Variants in SUZ12 observed in about 807,000 individuals in gnomAD.
SUZ12 encodes the protein SUZ12 polycomb repressive complex 2 subunit, also known as polycomb protein SUZ12.
Under a neutral mutation model 87.3 loss-of-function variants are expected in SUZ12, and 17 were observed. The ratio of observed to expected loss-of-function variants is 0.19; its 90% CI spans 0.13 to 0.29. SUZ12 has a LOEUF of 0.29. Among genes scored for constraint, SUZ12 ranks in the 10% least tolerant of loss-of-function variants. SUZ12 has a pLI of 1.00. For missense variants in SUZ12, 526 were observed against 912.2 expected (o/e 0.58, Z 5.45); for synonymous variants, 253 against 312.4 (o/e 0.81, Z 2.01).
chr17:31,963,389 C>T (rs1400302873), intron 4 of SUZ12, among the ~76,000 whole-genome samples: 3 of 152,070 alleles, frequency 2.0e-5, no homozygotes, highest in Admixed American at 6.6e-5. Context: ...GTGATCCACC[C>T]GCCTCATCTC....
rs144744850 is a variant in SUZ12, at chr17:31,993,211, T to C, written c.1202-31T>C. 7,539 of 1,443,098 alleles carry C rather than the reference T, an allele frequency of 5.2e-3. 41 individuals carry two copies. Among genetic ancestry groups the C allele is most frequent in the Middle Eastern group, 0.012 (68 of 5,560 alleles). The allele number at this position is 1,443,098 out of a possible 1,614,324, so 89.4% of individuals were successfully genotyped here. A position where few individuals can be genotyped will look rare whatever the true frequency, so the allele number is the denominator to read the frequency against. Reference sequence around the variant, plus strand: ...TTATTTTGCTTTTCAAAAGCAATGTTTTTATTGAATATAAAAGTGTATGTT... The same window carrying C: ...TTATTTTGCTTTTCAAAAGCAATGTCTTTATTGAATATAAAAGTGTATGTT... On this transcript the variant is annotated intron_variant, in intron 10 of 15. Transcript: ENST00000322652.
At chr17:31,973,344 G>C in intron 6 of SUZ12, 113 bp downstream of exon 6, 1 of 919,738 alleles carries the variant, frequency 1.1e-6, no homozygotes, top group Non-Finnish European at 1.6e-6. Flanking sequence ...GAAAGCTTAA[G>C]AAATGTGTTG....
chr17:31,952,965 G>A (rs910908280), intron 4 of SUZ12, among the ~76,000 whole-genome samples: 13 of 152,134 alleles, frequency 8.5e-5, no homozygotes, highest in Non-Finnish European at 1.5e-4. Flanking sequence ...GCTTCCAAGT[G>A]TTTACCAGGG....
In SUZ12 at chr17:31,937,332, C is replaced by A; in HGVS notation, c.86C>A (p.Ala29Glu). 1 of 1,467,716 alleles carries A rather than the reference C, an allele frequency of 6.8e-7. No individual in the cohort carries two copies. The highest frequency in any genetic ancestry group is 9.0e-7 in the Non-Finnish European group (1 of 1,115,524). The allele number at this position is 1,467,716 out of a possible 1,614,324, so 90.9% of individuals were successfully genotyped here. Residue 29 changes from alanine (A) to glutamate (E), a missense_variant, in exon 1 of 16, where the codon GCG becomes GAG. Physicochemically the swap from Ala to Glu is moderately radical, Grantham distance 107. Transcript: ENST00000322652. ...GSGGGGFGGS[A>E]AVAAATASGG... ...GGGGGAGGCGGCTTCGGGGGTTCGG[C>A]GGCGGTGGCGGCGGCGACGGCTTCG...
chr17:31,962,625 C>T (rs73282221), intron 4 of SUZ12, among the ~76,000 whole-genome samples: 15,122 of 147,110 alleles, frequency 0.1, no homozygotes, highest in South Asian at 0.2. Flanking sequence ...CTCACACTCT[C>T]TGTGAGAGAA....
chr17:31,985,910 C>G (rs1171887386), intron 9 of SUZ12, among the ~76,000 whole-genome samples: 2 of 151,998 alleles, frequency 1.3e-5, no homozygotes, highest in African/African-American at 4.8e-5. Context: ...ATCCACCCGC[C>G]TCGGCCTCCC....
At chr17:31,953,783 G>A (rs760860511) in intron 4 of SUZ12, among the ~76,000 whole-genome samples, 23 of 147,832 alleles carry the variant, frequency 1.6e-4, no homozygotes, top group Admixed American at 1.0e-3. Flanking sequence ...GCGCGATCTC[G>A]GCTCACTGCA....
rs144245386 is a variant in SUZ12, at chr17:31,988,214, A to G, written c.1024-106A>G. ...GCATTTGGATTTTCAAGACAAATCT[A>G]TTAAGGCAAATCCACATTGACTTAT... On this transcript the variant is annotated intron_variant, in intron 9 of 15. Transcript: ENST00000322652. The G allele has an allele frequency of 2.0e-4, 222 of 1,135,506 alleles. No individual in the cohort carries two copies. The African/African-American group carries it at 3.0e-3, about 15-fold the overall frequency. The allele number at this position is 1,135,506 out of a possible 1,614,324, so 70.3% of individuals were successfully genotyped here.
intron 5 of SUZ12, chr17:31,966,828 A>T (rs898985577): frequency 6.6e-6 from 1 of 152,242 alleles, no homozygotes; most frequent in African/African-American, 2.4e-5. Context: ...AGGAAATTAT[A>T]TGGTATATTA....
chr17:31,955,010 G>T (rs1907225407), intron 4 of SUZ12, among the ~76,000 whole-genome samples: 1 of 152,166 alleles, frequency 6.6e-6, no homozygotes. Context: ...TCTAAGAGGT[G>T]GGGTCTTGTT....
At chr17:31,981,909 G>A (rs1350138910) in intron 8 of SUZ12, among the ~76,000 whole-genome samples, 2 of 152,150 alleles carry the variant, frequency 1.3e-5, no homozygotes, top group Non-Finnish European at 2.9e-5. Flanking sequence ...ATAGTGCCTG[G>A]CACATAGTGA....
At chr17:31,969,674 T>A (rs989220913) in intron 5 of SUZ12, among the ~76,000 whole-genome samples, 1 of 152,120 alleles carries the variant, frequency 6.6e-6, no homozygotes, top group Non-Finnish European at 1.5e-5. Flanking sequence ...CCATCCAAGG[T>A]TTATTTGTAC....
intron 4 of SUZ12, chr17:31,965,869 T>A (rs960123594): frequency 7.3e-6 from 2 of 272,292 alleles, no homozygotes; most frequent in Non-Finnish European, 1.4e-5. Context: ...GTAGTCTGAT[T>A]TTTTTCTGCC....
At chr17:31,997,866 C>T (rs748271408) in intron 15 of SUZ12, among the ~76,000 whole-genome samples, 8 of 151,988 alleles carry the variant, frequency 5.3e-5, no homozygotes, top group Admixed American at 1.3e-4. Flanking sequence ...CAGAATAAAA[C>T]GTGGCTTTTT....
At chr17:31,994,823 T>C (rs184397445) in intron 13 of SUZ12, 102 bp downstream of exon 13, 1 of 1,317,240 alleles carries the variant, frequency 7.6e-7, no homozygotes, top group East Asian at 2.4e-5. Flanking sequence ...AGGTGGAAAT[T>C]ATTATTTTTC....
At chr17:31,941,014 A>G (rs1906243696) in intron 3 of SUZ12, among the ~76,000 whole-genome samples, 2 of 146,940 alleles carry the variant, frequency 1.4e-5, no homozygotes. Context: ...TACCTCAAAG[A>G]AAAAAAAAAC....
At chr17:31,940,147 T>C in intron 1 of SUZ12, 139 bp from the exon 2 acceptor site, 13 of 1,297,564 alleles carry the variant, frequency 1.0e-5, no homozygotes, top group Non-Finnish European at 1.3e-5. Flanking sequence ...TTTCTTGATG[T>C]AAATATTTAG....
At chr17:31,953,341 C>A (rs540057641) in intron 4 of SUZ12, among the ~76,000 whole-genome samples, 1 of 152,228 alleles carries the variant, frequency 6.6e-6, no homozygotes, top group African/African-American at 2.4e-5. Context: ...AAACTCCTGA[C>A]CTCAGGTGGT....
At chr17:31,946,853 T>C (rs992751075) in intron 3 of SUZ12, among the ~76,000 whole-genome samples, 1 of 152,164 alleles carries the variant, frequency 6.6e-6, no homozygotes, top group Non-Finnish European at 1.5e-5. Flanking sequence ...TAAGTTTCTA[T>C]TTTTTGGGAA....
Sources: gnomAD v4.1 joint callset for allele counts (sites outside exome capture counted in the v4.1 genomes callset) on GRCh38, gnomAD v4.1.1 for gene constraint, MANE v1.5 for transcripts, NCBI Gene and HGNC (gene_info 2026-07-23, HGNC 2026-07-21) for gene names.